The following MYO1D variants were observed in gnomAD, a reference collection of about 807,000 sequenced individuals.
MYO1D encodes unconventional myosin-Id.
In MYO1D, 83 loss-of-function variants were observed where a neutral mutation model predicts 122.0. The ratio of observed to expected loss-of-function variants is 0.68; its 90% CI spans 0.57 to 0.82. The LOEUF (loss-of-function observed/expected upper bound fraction) is 0.82, where lower values mean the gene tolerates loss of function less well. Ranked by LOEUF, MYO1D falls within the 40% of genes least tolerant of loss-of-function variation. The pLI is 0.00. For missense variants in MYO1D, 1,157 were observed against 1,269.5 expected (o/e 0.91, Z 1.35); for synonymous variants, 464 against 446.9 (o/e 1.04, Z -0.48).
At chr17:32,866,906 C>T (rs1211063823) in intron 1 of MYO1D, among the ~76,000 whole-genome samples, 2 of 152,212 alleles carry the variant, frequency 1.3e-5, no homozygotes, top group Non-Finnish European at 2.9e-5. Flanking sequence ...GACATTCTAC[C>T]TCTTCCATAG....
At chr17:32,762,915 G>A (rs1170982942) in intron 8 of MYO1D, among the ~76,000 whole-genome samples, 3 of 151,100 alleles carry the variant, frequency 2.0e-5, no homozygotes, top group Non-Finnish European at 4.4e-5. Context: ...ACGGCCGGGT[G>A]CGGTGGCTCA....
chr17:32,701,543 T>G (rs1362603669), intron 16 of MYO1D, among the ~76,000 whole-genome samples: 3 of 152,162 alleles, frequency 2.0e-5, no homozygotes, highest in Non-Finnish European at 4.4e-5. Flanking sequence ...ATTTTTAAGG[T>G]ACATTACTCT....
In MYO1D at chr17:32,864,707, T is replaced by C. The variant is rs192909569; in HGVS notation, c.95+12071A>G. The stretch of plus-strand genomic sequence containing the variant: ...GAAAAATCAGATTATATACATAAAA[T>C]AGAATACATTAAAAAGCATACATAA... On this transcript the variant is annotated intron_variant, in intron 1 of 21. Transcript: ENST00000318217. Among the ~76,000 whole-genome samples the C allele has an allele frequency of 3.2e-4, 49 of 152,226 alleles. 1 individual carries two copies. Among genetic ancestry groups the C allele is most frequent in the Middle Eastern group, 6.8e-3 (2 of 294 alleles).
intron 21 of MYO1D, among the ~76,000 whole-genome samples, chr17:32,508,395 C>T (rs1018523340): frequency 1.3e-5 from 2 of 152,090 alleles, no homozygotes; most frequent in African/African-American, 4.8e-5. Flanking sequence ...CTGCCTCAGA[C>T]TGCCGAGTAG....
intron 11 of MYO1D, among the ~76,000 whole-genome samples, chr17:32,752,591 C>A (rs761908751): frequency 6.6e-6 from 1 of 152,012 alleles, no homozygotes; most frequent in Non-Finnish European, 1.5e-5. Flanking sequence ...CACATAACCC[C>A]ATTAAAAAGT....
At chr17:32,826,588 A>G (rs192909416) in intron 1 of MYO1D, among the ~76,000 whole-genome samples, 21 of 152,370 alleles carry the variant, frequency 1.4e-4, no homozygotes, top group Admixed American at 1.3e-3. Context: ...AAAACTGAAT[A>G]CAATGTAATT....
Position 32,493,197 on chromosome 17 carries a change from C to G in MYO1D, c.*1562G>C, listed in dbSNP as rs1908950062. ...ACCTCTGCCTGTGCAGGCAGCTGAC[C>G]AGGCTTGGAGAATGAGAAAGGGTTC... On this transcript the variant is annotated 3_prime_UTR_variant, in exon 22 of 22. Transcript: ENST00000318217. The G allele has an allele frequency of 6.6e-6, 1 of 152,242 alleles. No individual in the cohort carries two copies. Among genetic ancestry groups the G allele is most frequent in the Non-Finnish European group, 1.5e-5 (1 of 68,052 alleles). 9.4% of individuals were successfully genotyped at this position (152,242 alleles called of 1,614,324 possible). A position where few individuals can be genotyped will look rare whatever the true frequency, so the allele number is the denominator to read the frequency against.
At chr17:32,641,458 A>G (rs1373341362) in intron 19 of MYO1D, among the ~76,000 whole-genome samples, 2 of 152,210 alleles carry the variant, frequency 1.3e-5, no homozygotes, top group African/African-American at 2.4e-5. Flanking sequence ...CAGTAATGGG[A>G]TGGCTGGGTC....
intron 1 of MYO1D, among the ~76,000 whole-genome samples, chr17:32,850,530 A>G (rs1256183334): frequency 1.3e-5 from 2 of 152,170 alleles, no homozygotes; most frequent in Non-Finnish European, 2.9e-5. Context: ...CAGTATAAAA[A>G]CTAAGTGACT....
chr17:32,584,787 G>C (rs2087371734), intron 21 of MYO1D, among the ~76,000 whole-genome samples: 1 of 152,166 alleles, frequency 6.6e-6, no homozygotes, highest in South Asian at 2.1e-4. Flanking sequence ...ACCTGGCCCA[G>C]AACTTTTTCA....
chr17:32,727,076 G>A (rs1368373209), intron 14 of MYO1D, among the ~76,000 whole-genome samples: 1 of 152,186 alleles, frequency 6.6e-6, no homozygotes, highest in Admixed American at 6.5e-5. Flanking sequence ...AAAAATACTT[G>A]CAACACCAGT....
chr17:32,635,577 C>G (rs1033606950), intron 20 of MYO1D, among the ~76,000 whole-genome samples: 35 of 152,188 alleles, frequency 2.3e-4, no homozygotes, highest in African/African-American at 8.4e-4. Context: ...CCTGTAATCT[C>G]AGCTACTTGG....
chr17:32,775,203 A>AG (rs1326096933), intron 4 of MYO1D, among the ~76,000 whole-genome samples: 1 of 152,106 alleles, frequency 6.6e-6, no homozygotes, highest in Non-Finnish European at 1.5e-5. Context: ...CAGGAGGCTG[A>AG]GGTGGGAGGA....
At chr17:32,722,686 A>T (rs551392269) in intron 14 of MYO1D, among the ~76,000 whole-genome samples, 5 of 152,288 alleles carry the variant, frequency 3.3e-5, no homozygotes, top group African/African-American at 1.2e-4. Flanking sequence ...AGCACATATC[A>T]TGTTCATAGG....
chr17:32,745,375 G>A lies in MYO1D; in HGVS notation c.1539-90C>T, dbSNP rs12600410. On this transcript the variant is annotated intron_variant, in intron 12 of 21. Coordinates refer to ENST00000318217, the MANE Select transcript of MYO1D (RefSeq NM_015194.3). ...CCAGGAGGCAACAAGCCTTTCCACC[G>A]TTAATTATGCAATCAATAATCTAAA... 5.7e-3 allele frequency: 4,125 copies of A among 729,186 alleles called. 219 individuals carry two copies. In the East Asian group the frequency reaches 0.098, roughly 17 times the overall value. 45.2% of individuals were successfully genotyped at this position (729,186 alleles called of 1,614,324 possible).
intron 14 of MYO1D, among the ~76,000 whole-genome samples, chr17:32,729,762 T>C (rs1225552554): frequency 1.3e-5 from 2 of 152,160 alleles, no homozygotes; most frequent in Non-Finnish European, 2.9e-5. Context: ...CCTGGGGTCT[T>C]GGATGAGGGA....
chr17:32,529,128 C>G (rs1300139948), intron 21 of MYO1D: 1 of 152,260 alleles, frequency 6.6e-6, no homozygotes, highest in Non-Finnish European at 1.5e-5. Flanking sequence ...TATCAAAATT[C>G]TGCATGTGCG....
chr17:32,753,806 G>C (rs540503704), intron 11 of MYO1D, among the ~76,000 whole-genome samples: 1 of 152,058 alleles, frequency 6.6e-6, no homozygotes, highest in South Asian at 2.1e-4. Context: ...GCTGAGGCAG[G>C]AGAATTGCTT....
At chr17:32,522,392 A>T (rs2952463) in intron 21 of MYO1D, among the ~76,000 whole-genome samples, 28,066 of 152,180 alleles carry the variant, frequency 0.18, 2,822 homozygotes, top group East Asian at 0.49. Flanking sequence ...GGTCAGAATG[A>T]AAGAATTTTG....
Sources: allele counts gnomAD v4.1 joint callset (sites outside exome capture counted in the v4.1 genomes callset), GRCh38; gene constraint gnomAD v4.1.1; transcripts MANE v1.5; gene names NCBI Gene and HGNC (gene_info 2026-07-23, HGNC 2026-07-21).